ERN1: variants seen among roughly 807,000 people sequenced by gnomAD.
The protein encoded by ERN1 is endoplasmic reticulum to nucleus signaling 1.
ERN1 carries 39 observed loss-of-function variants against 113.1 expected under a neutral mutation model. The ratio of observed to expected loss-of-function variants is 0.34; its 90% CI spans 0.27 to 0.45. The LOEUF (loss-of-function observed/expected upper bound fraction) is 0.45, where lower values mean the gene tolerates loss of function less well. ERN1 is among the 20% of genes least tolerant of loss of function. The pLI is 1.00. For missense variants in ERN1, 976 were observed against 1,274.8 expected (o/e 0.77, Z 3.57); for synonymous variants, 507 against 515.9 (o/e 0.98, Z 0.23).
chr17:64,069,079 G>A (rs143549306), intron 6 of ERN1, among the ~76,000 whole-genome samples: 235 of 152,256 alleles, frequency 1.5e-3, no homozygotes, highest in African/African-American at 5.6e-3. Context: ...CCAGGGTACT[G>A]CCAGCAACAA....
chr17:64,049,465 T>C lies in ERN1; in HGVS notation c.2254-263A>G, dbSNP rs981941308. ...ATGTGAGATGAGGACACTGACAGCA[T>C]GGGGCTGTTGTCAAAAGAGATGCAT... On this transcript the variant is annotated intron_variant, in intron 17 of 21. Transcript: ENST00000433197. This position sits in a 1 kb window ranked among gnomAD's most constrained non-coding sequence, Gnocchi z 4.7. 2.6e-5 allele frequency among the ~76,000 whole-genome samples: 4 copies of C among 152,326 alleles called. No individual in the cohort carries two copies. Among genetic ancestry groups the C allele is most frequent in the Middle Eastern group, 3.4e-3 (1 of 294 alleles).
At position 64,130,052 on chromosome 17, in the gene ERN1, C is replaced by CG. The variant is rs775889952; in HGVS notation, c.-24dup. The CG allele has an allele frequency of 3.6e-6, 5 of 1,391,308 alleles. No homozygotes were observed. Among genetic ancestry groups the CG allele is most frequent in the Non-Finnish European group, 4.6e-6 (5 of 1,080,912 alleles). The allele number at this position is 1,391,308 out of a possible 1,614,324, so 86.2% of individuals were successfully genotyped here. A position where few individuals can be genotyped will look rare whatever the true frequency, so the allele number is the denominator to read the frequency against. On this transcript the variant is annotated 5_prime_UTR_variant, in exon 1 of 22. Transcript: ENST00000433197. This position sits in a 1 kb window ranked among gnomAD's most constrained non-coding sequence, Gnocchi z 4.0. ...CATGGCGAGGACTCGGCCCTGGCTCCGGGGGCGGTACGGACAGAGGACGGG... is the reference window on the plus strand; with the variant it reads ...CATGGCGAGGACTCGGCCCTGGCTCCGGGGGGCGGTACGGACAGAGGACGGG...
chr17:64,062,368 A>C (rs1201684782), intron 10 of ERN1, among the ~76,000 whole-genome samples: 2 of 152,250 alleles, frequency 1.3e-5, no homozygotes, highest in Non-Finnish European at 2.9e-5. Context: ...ATGAAAGGAC[A>C]TATCTGGACA....
At chr17:64,129,820 CGCCCGGCCCGA>C in intron 1 of ERN1, 145 bp downstream of exon 1, 1 of 628,408 alleles carries the variant, frequency 1.6e-6, no homozygotes, top group Non-Finnish European at 2.3e-6. Context: ...CCGCCTCCTA[CGCCCGGCCCGA>C]GCCTCCCACG....
intron 7 of ERN1, among the ~76,000 whole-genome samples, chr17:64,067,575 A>G (rs1165357286): frequency 6.6e-6 from 1 of 150,874 alleles, no homozygotes; most frequent in Non-Finnish European, 1.5e-5. Context: ...ACTCCTGCAC[A>G]CATCCTGGGG....
intron 9 of ERN1, among the ~76,000 whole-genome samples, chr17:64,064,478 C>G (rs1016029661): frequency 6.6e-6 from 1 of 152,230 alleles, no homozygotes; most frequent in Admixed American, 6.5e-5. Context: ...TAGTCACAAT[C>G]TACGCAACCA....
intron 1 of ERN1, among the ~76,000 whole-genome samples, chr17:64,122,181 C>A (rs1914971509): frequency 6.6e-6 from 1 of 152,180 alleles, no homozygotes; most frequent in Non-Finnish European, 1.5e-5. Context: ...TTGGTTCTGC[C>A]ACTCACACAT....
At chr17:64,079,762 A>G (rs1475984631) in intron 3 of ERN1, 28 bp from the exon 4 acceptor site, 6 of 1,577,520 alleles carry the variant, frequency 3.8e-6, no homozygotes, top group Non-Finnish European at 5.2e-6. Flanking sequence ...AATATCAAAG[A>G]TAAATTACAG....
Position 64,044,727 on chromosome 17 carries a change from A to G in ERN1, c.2721+133T>C. The G allele has an allele frequency of 1.5e-6, 1 of 665,210 alleles. No homozygotes were observed. Among genetic ancestry groups the G allele is most frequent in the Non-Finnish European group, 2.6e-6 (1 of 380,950 alleles). 41.2% of individuals were successfully genotyped at this position (665,210 alleles called of 1,614,324 possible). A position where few individuals can be genotyped will look rare whatever the true frequency, so the allele number is the denominator to read the frequency against. On this transcript the variant is annotated intron_variant, in intron 21 of 21. Transcript: ENST00000433197. This position sits in a 1 kb window ranked among gnomAD's most constrained non-coding sequence, Gnocchi z 4.1. Reference sequence around the variant, plus strand: ...CAACAGCCTGCAGTTTGCCAAGTCCAGCTGAAGCCGCCTAGCTCCTGAGAG... The same window carrying G: ...CAACAGCCTGCAGTTTGCCAAGTCCGGCTGAAGCCGCCTAGCTCCTGAGAG...
chr17:64,071,893 TG>T, intron 6 of ERN1, 87 bp downstream of exon 6: 1 of 1,444,028 alleles, frequency 6.9e-7, no homozygotes, highest in Non-Finnish European at 9.4e-7. Flanking sequence ...AAAGCAGCTC[TG>T]GCCACCTTCT....
intron 1 of ERN1, among the ~76,000 whole-genome samples, chr17:64,127,705 G>A (rs1915115999): frequency 6.8e-6 from 1 of 146,796 alleles, no homozygotes; most frequent in South Asian, 2.1e-4. Flanking sequence ...AGTGAGCTGA[G>A]ACCACACCAT....
intron 1 of ERN1, among the ~76,000 whole-genome samples, chr17:64,124,271 G>A (rs1915024101): frequency 6.6e-6 from 1 of 152,174 alleles, no homozygotes; most frequent in South Asian, 2.1e-4. Flanking sequence ...CAAGAAGAGT[G>A]AAAATAAATG....
At chr17:64,108,212 A>G (rs8079557) in intron 1 of ERN1, among the ~76,000 whole-genome samples, 7,820 of 152,162 alleles carry the variant, frequency 0.051, 657 homozygotes, top group African/African-American at 0.18. Flanking sequence ...GATTAAAAAA[A>G]AAAAAAAGTA....
At chr17:64,075,851 T>C (rs970460438) in intron 4 of ERN1, among the ~76,000 whole-genome samples, 2 of 152,212 alleles carry the variant, frequency 1.3e-5, no homozygotes, top group African/African-American at 4.8e-5. Flanking sequence ...TGACAGTGCT[T>C]TGTAGAGCCC....
rs566484083 is a variant in ERN1, at chr17:64,089,569, C to T, written c.175+8552G>A. On this transcript the variant is annotated intron_variant, in intron 2 of 21. Transcript: ENST00000433197. The stretch of plus-strand genomic sequence containing the variant: ...GAAACACTTCAGGTCCCAAGCATTT[C>T]GGGTAAGGGATATTCAACCTGTACA... 8.5e-5 allele frequency among the ~76,000 whole-genome samples: 13 copies of T among 152,172 alleles called. No individual in the cohort carries two copies. In the East Asian group the frequency reaches 1.2e-3, roughly 14 times the overall value.
In ERN1 at chr17:64,045,407, C is replaced by T. The variant is rs778413463; in HGVS notation, c.2605G>A (p.Val869Met). 2.4e-5 allele frequency: 39 copies of T among 1,613,770 alleles called. No homozygotes were observed. In the Admixed American group the frequency reaches 3.5e-4, roughly 14 times the overall value. Residue 869 changes from valine to methionine, a missense_variant, in exon 20 of 22, where the codon GTG becomes ATG. Val to Met is a conservative substitution (Grantham distance 21). Coordinates refer to ENST00000433197, the MANE Select transcript of ERN1 (RefSeq NM_001433.5). ...VKQLERGGRAVVKMDWRENIT... is the reference protein window; with the variant it reads ...VKQLERGGRAMVKMDWRENIT... ...TTCTCCCGCCAGTCCATCTTCACCACGGCTCTCCCGCCTCTCTCTAACTGC... is the reference window on the plus strand; with the variant it reads ...TTCTCCCGCCAGTCCATCTTCACCATGGCTCTCCCGCCTCTCTCTAACTGC...
chr17:64,110,716 G>A lies in ERN1; in HGVS notation c.55-12475C>T, dbSNP rs16947490. Among the ~76,000 whole-genome samples the A allele has an allele frequency of 4.6e-3, 708 of 152,284 alleles. 4 individuals are homozygous for A. Among genetic ancestry groups the A allele is most frequent in the African/African-American group, 0.016 (670 of 41,554 alleles). On this transcript the variant is annotated intron_variant, in intron 1 of 21. Transcript: ENST00000433197. ...ACAAAAGAAAGCCTATTCTGATACTGACTTTTTCATGTCAATATTACATCA... is the reference window on the plus strand; with the variant it reads ...ACAAAAGAAAGCCTATTCTGATACTAACTTTTTCATGTCAATATTACATCA...
intron 1 of ERN1, among the ~76,000 whole-genome samples, chr17:64,100,290 G>T (rs1306293191): frequency 6.6e-6 from 1 of 152,132 alleles, no homozygotes; most frequent in Non-Finnish European, 1.5e-5. Context: ...GGGATGGCTG[G>T]ATTATGTTAG....
At chr17:64,117,621 A>G (rs1448435586) in intron 1 of ERN1, among the ~76,000 whole-genome samples, 2 of 152,134 alleles carry the variant, frequency 1.3e-5, no homozygotes, top group African/African-American at 2.4e-5. Flanking sequence ...CAACCTGTAC[A>G]TTACCCCAAC....
Sources: allele counts gnomAD v4.1 joint callset (sites outside exome capture counted in the v4.1 genomes callset), GRCh38; gene constraint gnomAD v4.1.1; non-coding constraint Gnocchi (gnomAD v3.1); transcripts MANE v1.5; gene names NCBI Gene and HGNC (gene_info 2026-07-23, HGNC 2026-07-21).